Variants in PHKB observed in about 807,000 individuals in gnomAD.
The protein encoded by PHKB is phosphorylase kinase regulatory subunit beta, also known as phosphorylase b kinase regulatory subunit beta.
Under a neutral mutation model 152.1 loss-of-function variants are expected in PHKB, and 122 were observed. That is an observed-to-expected ratio of 0.80 (90% CI 0.69 to 0.93). The LOEUF (loss-of-function observed/expected upper bound fraction) is 0.93. PHKB is among the 40% of genes least tolerant of loss of function. The probability of loss-of-function intolerance (pLI) is 0.00; values close to 1 mark genes in which losing one functional copy is unlikely to be tolerated. For missense variants in PHKB, 1,304 were observed against 1,328.4 expected (o/e 0.98, Z 0.29); for synonymous variants, 436 against 464.9 (o/e 0.94, Z 0.80).
chr16:47,490,512 C>T (rs1970130411), intron 1 of PHKB, among the ~76,000 whole-genome samples: 1 of 152,090 alleles, frequency 6.6e-6, no homozygotes. Context: ...CTGGCAATCC[C>T]ATGTAACTAA....
chr16:47,489,630 A>T (rs1970111919), intron 1 of PHKB, among the ~76,000 whole-genome samples: 1 of 152,196 alleles, frequency 6.6e-6, no homozygotes, highest in Non-Finnish European at 1.5e-5. Flanking sequence ...AGGTCCCAAG[A>T]TAAACTTGGA....
chr16:47,499,580 C>T (rs1418709777), intron 2 of PHKB, among the ~76,000 whole-genome samples, 176 bp from the exon 3 acceptor site: 1 of 152,176 alleles, frequency 6.6e-6, no homozygotes, highest in African/African-American at 2.4e-5. Context: ...GGTGGATTCC[C>T]ACTAAGGCTG....
At chr16:47,471,912 C>T (rs571312302) in intron 1 of PHKB, among the ~76,000 whole-genome samples, 9 of 152,072 alleles carry the variant, frequency 5.9e-5, no homozygotes, top group South Asian at 2.1e-4. Context: ...AGAAATTAGC[C>T]GGGTATGGTG....
chr16:47,676,588 G>A (rs1418666817), intron 26 of PHKB, among the ~76,000 whole-genome samples: 3 of 151,956 alleles, frequency 2.0e-5, no homozygotes, highest in African/African-American at 7.2e-5. Flanking sequence ...TTATTTATTT[G>A]CATTACCCAC....
chr16:47,511,526 A>G, intron 4 of PHKB, 139 bp from the exon 5 acceptor site: 1 of 669,372 alleles, frequency 1.5e-6, no homozygotes, highest in South Asian at 1.7e-5. Context: ...TTTCTTGAGA[A>G]AAGGTAACGT....
In PHKB at chr16:47,625,409, G is replaced by GT. The variant is rs571182840; in HGVS notation, c.1458+14490dup. The stretch of plus-strand genomic sequence containing the variant: ...ATGAAAGCCAAATGCCTTGTTGCCT[G>GT]TAGGGCCCTGTGGGGCCTTAGCTGT... On this transcript the variant is annotated intron_variant, in intron 14 of 30. Coordinates refer to ENST00000323584, the MANE Select transcript of PHKB (RefSeq NM_000293.3). Among the ~76,000 whole-genome samples, 6 of 152,306 alleles carry GT rather than the reference G, an allele frequency of 3.9e-5. No individual in the cohort carries two copies. The South Asian group carries it at 1.2e-3, about 32-fold the overall frequency.
chr16:47,514,381 ACT>A (rs971892193), intron 5 of PHKB, among the ~76,000 whole-genome samples: 2 of 152,122 alleles, frequency 1.3e-5, no homozygotes, highest in Admixed American at 6.6e-5. Flanking sequence ...CAGTGGTGTA[ACT>A]CTCTGTTGGA....
At chr16:47,560,607 C>T (rs1597086277) in intron 7 of PHKB, among the ~76,000 whole-genome samples, 1 of 152,076 alleles carries the variant, frequency 6.6e-6, no homozygotes, top group African/African-American at 2.4e-5. Flanking sequence ...AGAAATAAAC[C>T]CACACATCTG....
At chr16:47,569,849 C>G (rs1031212657) in intron 7 of PHKB, among the ~76,000 whole-genome samples, 1 of 152,184 alleles carries the variant, frequency 6.6e-6, no homozygotes, top group African/African-American at 2.4e-5. Flanking sequence ...TCTTGAACTT[C>G]TGACCTCAAG....
intron 7 of PHKB, 142 bp downstream of exon 7, chr16:47,547,690 G>A (rs926856148): frequency 1.6e-6 from 1 of 630,498 alleles, no homozygotes. Context: ...GCAGATGGAA[G>A]TCACTTAAAA....
At chr16:47,589,813 C>G (rs1971996815) in intron 10 of PHKB, among the ~76,000 whole-genome samples, 1 of 152,156 alleles carries the variant, frequency 6.6e-6, no homozygotes, top group Non-Finnish European at 1.5e-5. Context: ...GAGATGGAGT[C>G]TTGCTCTGTT....
rs796828097 is a variant in PHKB at position 47,522,203 on chromosome 16, CT to C, written c.594+6605del. Reference sequence around the variant, plus strand: ...TAAAGCTTGCTGGGTCTGGGATTTTCTTTATGGAAATGTTTTTGATTACCAT... The same window carrying C: ...TAAAGCTTGCTGGGTCTGGGATTTTCTTATGGAAATGTTTTTGATTACCAT... On this transcript the variant is annotated intron_variant, in intron 6 of 30. Coordinates refer to ENST00000323584, the MANE Select transcript of PHKB (RefSeq NM_000293.3). Among the ~76,000 whole-genome samples the C allele has an allele frequency of 8.5e-4, 129 of 152,156 alleles. 1 individual carries two copies. Among genetic ancestry groups the C allele is most frequent in the African/African-American group, 3.0e-3 (123 of 41,526 alleles).
intron 14 of PHKB, among the ~76,000 whole-genome samples, chr16:47,631,113 TATG>T (rs1429406857): frequency 1.3e-5 from 2 of 152,308 alleles, no homozygotes; most frequent in Non-Finnish European, 2.9e-5. Flanking sequence ...AGCCAATCCA[TATG>T]ATAAATCTCT....
At chr16:47,692,185 C>T (rs1050305863) in intron 27 of PHKB, among the ~76,000 whole-genome samples, 7 of 152,202 alleles carry the variant, frequency 4.6e-5, no homozygotes, top group Admixed American at 2.0e-4. Flanking sequence ...CTTTCTCCAG[C>T]GCAAACGTGT....
intron 4 of PHKB, among the ~76,000 whole-genome samples, chr16:47,511,115 C>T (rs1350841764): frequency 1.3e-5 from 2 of 152,106 alleles, no homozygotes; most frequent in Non-Finnish European, 2.9e-5. Flanking sequence ...CCTATATTCT[C>T]TTAGAGTTGG....
intron 8 of PHKB, among the ~76,000 whole-genome samples, chr16:47,584,448 T>C (rs1269412746): frequency 6.6e-6 from 1 of 152,228 alleles, no homozygotes; most frequent in East Asian, 1.9e-4. Context: ...TGAAAATTCA[T>C]GTTCAAATTT....
chr16:47,624,667 CTACT>C (rs1972678205), intron 14 of PHKB, among the ~76,000 whole-genome samples: 2 of 152,170 alleles, frequency 1.3e-5, no homozygotes, highest in South Asian at 2.1e-4. Context: ...ACCTTTCTCT[CTACT>C]TACTTCTTTC....
chr16:47,618,656 C>T (rs916786624), intron 14 of PHKB, among the ~76,000 whole-genome samples: 1 of 152,134 alleles, frequency 6.6e-6, no homozygotes, highest in Non-Finnish European at 1.5e-5. Context: ...ATCCTTTATT[C>T]TTATAAACAG....
At chr16:47,567,358 A>G (rs1264311450) in intron 7 of PHKB, among the ~76,000 whole-genome samples, 1 of 151,972 alleles carries the variant, frequency 6.6e-6, no homozygotes, top group East Asian at 1.9e-4. Context: ...CGTTATTGAT[A>G]CATAGCAGTG....
Sources: gnomAD v4.1 joint callset for allele counts (sites outside exome capture counted in the v4.1 genomes callset) on GRCh38, gnomAD v4.1.1 for gene constraint, MANE v1.5 for transcripts, NCBI Gene and HGNC (gene_info 2026-07-23, HGNC 2026-07-21) for gene names.